Variants in CADPS observed in about 807,000 individuals in gnomAD.
CADPS encodes calcium-dependent secretion activator 1.
Under a neutral mutation model 167.3 loss-of-function variants are expected in CADPS, and 57 were observed. The observed-to-expected ratio is 0.34, with a 90% CI of 0.28 to 0.42. The LOEUF (loss-of-function observed/expected upper bound fraction) is 0.42, where lower values mean the gene tolerates loss of function less well. Ranked by LOEUF, CADPS falls within the 20% of genes least tolerant of loss-of-function variation. The probability of loss-of-function intolerance (pLI) is 1.00; values close to 1 mark genes in which losing one functional copy is unlikely to be tolerated. For missense variants in CADPS, 1,414 were observed against 1,738.1 expected (o/e 0.81, Z 3.32); for synonymous variants, 676 against 635.3 (o/e 1.06, Z -0.96).
chr3:62,682,083 G>T (rs1443986293), intron 3 of CADPS, among the ~76,000 whole-genome samples: 1 of 152,062 alleles, frequency 6.6e-6, no homozygotes, highest in Non-Finnish European at 1.5e-5. Context: ...ATGCTAGTGA[G>T]CAATTTTTGG....
At chr3:62,866,278 T>G (rs1364052554) in intron 1 of CADPS, among the ~76,000 whole-genome samples, 1 of 152,094 alleles carries the variant, frequency 6.6e-6, no homozygotes, top group Non-Finnish European at 1.5e-5. Flanking sequence ...GAAGCTTTTA[T>G]AAAAGTAAAA....
chr3:62,491,566 C>CACAT, intron 20 of CADPS, 86 bp from the exon 21 acceptor site: 1 of 931,378 alleles, frequency 1.1e-6, no homozygotes, highest in East Asian at 2.5e-5. Flanking sequence ...CAAACACACA[C>CACAT]ACACACACAC....
intron 13 of CADPS, among the ~76,000 whole-genome samples, chr3:62,526,489 G>A (rs1402951661): frequency 2.6e-5 from 4 of 152,228 alleles, no homozygotes; most frequent in Admixed American, 1.3e-4. Context: ...GAACATTGAC[G>A]CAACTTGCAA....
intron 11 of CADPS, among the ~76,000 whole-genome samples, chr3:62,539,267 G>T (rs987578609): frequency 2.0e-5 from 3 of 152,054 alleles, no homozygotes; most frequent in African/African-American, 7.2e-5. Flanking sequence ...TTCCCTTCCT[G>T]CCGTTATAGG....
chr3:62,465,047 G>A lies in CADPS; in HGVS notation c.3636+320C>T, dbSNP rs1048717541. Among the ~76,000 whole-genome samples the A allele has an allele frequency of 3.9e-5, 6 of 152,100 alleles. No homozygotes were observed. The highest frequency in any genetic ancestry group is 1.3e-4 in the Admixed American group (2 of 15,254). ...CTTATTTACAGATGAGGAAATGGTG[G>A]CCCACATTAAGTCATTTGCCAGAGC... On this transcript the variant is annotated intron_variant, in intron 26 of 29. Transcript: ENST00000383710. This position sits in a 1 kb window ranked among gnomAD's most constrained non-coding sequence, Gnocchi z 4.1.
chr3:62,634,611 C>T (rs1192509481), intron 6 of CADPS, among the ~76,000 whole-genome samples: 2 of 152,138 alleles, frequency 1.3e-5, no homozygotes, highest in East Asian at 1.9e-4. Context: ...ACTGAGCATG[C>T]GCAAGTCCAG....
chr3:62,674,886 T>C (rs2076113039), intron 3 of CADPS, among the ~76,000 whole-genome samples: 1 of 152,162 alleles, frequency 6.6e-6, no homozygotes, highest in Admixed American at 6.5e-5. Context: ...CATAATCCCA[T>C]GTCAATCATA....
At chr3:62,411,086 G>C (rs935606234) in intron 28 of CADPS, among the ~76,000 whole-genome samples, 13 of 152,120 alleles carry the variant, frequency 8.5e-5, no homozygotes, top group Admixed American at 8.5e-4. Context: ...CTGGGGAACA[G>C]AGCAAACCCC....
intron 18 of CADPS, among the ~76,000 whole-genome samples, chr3:62,493,941 A>G (rs2064179012): frequency 6.6e-6 from 1 of 152,226 alleles, no homozygotes; most frequent in Non-Finnish European, 1.5e-5. Flanking sequence ...TATTAATGCA[A>G]CATAAGTGTA....
intron 3 of CADPS, among the ~76,000 whole-genome samples, chr3:62,691,574 G>A (rs1186187114): frequency 2.0e-5 from 3 of 152,028 alleles, no homozygotes; most frequent in African/African-American, 7.3e-5. Context: ...AGTTAAAATA[G>A]TGAATAAAGA....
At chr3:62,754,161 A>ATAAT (rs2083335442) in intron 2 of CADPS, among the ~76,000 whole-genome samples, 2 of 152,074 alleles carry the variant, frequency 1.3e-5, no homozygotes, top group African/African-American at 4.8e-5. Context: ...TAAAATGGGG[A>ATAAT]TAATAGTATT....
chr3:62,447,880 CT>C (rs202192323), intron 26 of CADPS, among the ~76,000 whole-genome samples: 5 of 151,144 alleles, frequency 3.3e-5, no homozygotes, highest in African/African-American at 7.3e-5. Context: ...GGTGGCTTGC[CT>C]TTTTTTTTCA....
intron 1 of CADPS, among the ~76,000 whole-genome samples, chr3:62,807,797 T>C (rs921736354): frequency 7.2e-5 from 11 of 152,244 alleles, no homozygotes; most frequent in South Asian, 4.1e-4. Context: ...TCAACTGTTA[T>C]ATATCTAGAT....
At chr3:62,664,867 C>T (rs1224216009) in intron 3 of CADPS, among the ~76,000 whole-genome samples, 2 of 152,178 alleles carry the variant, frequency 1.3e-5, no homozygotes, top group Admixed American at 6.5e-5. Context: ...AAAATGCTGG[C>T]AATGAAGATG....
At chr3:62,409,843 A>G (rs759220973) in intron 28 of CADPS, among the ~76,000 whole-genome samples, 18 of 152,202 alleles carry the variant, frequency 1.2e-4, no homozygotes, top group Non-Finnish European at 2.4e-4. Flanking sequence ...TTTTCATGTC[A>G]GGGGAAAAAA....
At chr3:62,781,263 C>T (rs529647942) in intron 1 of CADPS, among the ~76,000 whole-genome samples, 1 of 152,258 alleles carries the variant, frequency 6.6e-6, no homozygotes, top group Non-Finnish European at 1.5e-5. Flanking sequence ...AGCCACCAGC[C>T]CTTTAGCAGC....
At chr3:62,447,173 C>G (rs896975780) in intron 26 of CADPS, among the ~76,000 whole-genome samples, 1 of 152,168 alleles carries the variant, frequency 6.6e-6, no homozygotes, top group African/African-American at 2.4e-5. Context: ...TGCCAAGTTC[C>G]TTAGCCTTGG....
chr3:62,588,322 A>G (rs2085134645), intron 7 of CADPS, among the ~76,000 whole-genome samples: 1 of 148,600 alleles, frequency 6.7e-6, no homozygotes, highest in South Asian at 2.1e-4. Flanking sequence ...TTCCTAGCAG[A>G]ACACTTCCCA....
At chr3:62,871,201 T>C (rs574111387) in intron 1 of CADPS, among the ~76,000 whole-genome samples, 1 of 152,290 alleles carries the variant, frequency 6.6e-6, no homozygotes, top group South Asian at 2.1e-4. Flanking sequence ...ATTATCCAAA[T>C]GATGGTACTG....
Sources: gnomAD v4.1 joint callset for allele counts (sites outside exome capture counted in the v4.1 genomes callset) on GRCh38, gnomAD v4.1.1 for gene constraint, Gnocchi (gnomAD v3.1) non-coding constraint, MANE v1.5 for transcripts, NCBI Gene and HGNC (gene_info 2026-07-23, HGNC 2026-07-21) for gene names.